SIPA1L3: variants seen among roughly 807,000 people sequenced by gnomAD.
SIPA1L3 encodes the protein signal induced proliferation associated 1 like 3, also known as signal-induced proliferation-associated 1-like protein 3.
A neutral mutation model predicts 150.1 loss-of-function variants in SIPA1L3; 59 were observed. The observed-to-expected ratio is 0.39, with a 90% CI of 0.32 to 0.49. The LOEUF is 0.49. Among genes scored for constraint, SIPA1L3 ranks in the 20% least tolerant of loss-of-function variants. The pLI is 0.86. For missense variants in SIPA1L3, 2,211 were observed against 2,489.5 expected (o/e 0.89, Z 2.38); for synonymous variants, 1,070 against 1,077.6 (o/e 0.99, Z 0.14).
intron 15 of SIPA1L3, among the ~76,000 whole-genome samples, chr19:38,172,943 C>G (rs1972358028): frequency 6.6e-6 from 1 of 151,910 alleles, no homozygotes; most frequent in Non-Finnish European, 1.5e-5. Context: ...AACCCCATGT[C>G]TACAAAAAAT....
chr19:37,999,137 C>T (rs895562501), intron 1 of SIPA1L3, among the ~76,000 whole-genome samples: 2 of 152,144 alleles, frequency 1.3e-5, no homozygotes, highest in African/African-American at 2.4e-5. Flanking sequence ...TGCAGTTCTT[C>T]GTTCATCCCC....
chr19:38,196,595 GGAGCATGGAGGTCAAGGGCA>G (rs1600202574), intron 18 of SIPA1L3, among the ~76,000 whole-genome samples: 1 of 143,180 alleles, frequency 7.0e-6, no homozygotes, highest in African/African-American at 2.6e-5. Context: ...GGTCAAGGGA[GGAGCATGGAGGTCAAGGGCA>G]GAGCATGGAG....
At chr19:38,087,378 G>T (rs910535842) in intron 3 of SIPA1L3, among the ~76,000 whole-genome samples, 1 of 152,192 alleles carries the variant, frequency 6.6e-6, no homozygotes, top group African/African-American at 2.4e-5. Context: ...ATGCTGTTCT[G>T]ATCGGGGTCA....
intron 4 of SIPA1L3, among the ~76,000 whole-genome samples, chr19:38,092,985 G>A (rs543711643): frequency 2.3e-3 from 345 of 151,130 alleles, no homozygotes; most frequent in African/African-American, 7.7e-3. Flanking sequence ...TCAGCCTCCT[G>A]AGTAGCTGGG....
intron 1 of SIPA1L3, among the ~76,000 whole-genome samples, chr19:37,924,151 T>C (rs1419839374): frequency 6.6e-6 from 1 of 152,200 alleles, no homozygotes; most frequent in Non-Finnish European, 1.5e-5. Flanking sequence ...ATATCTTTAT[T>C]CTGTAAGCTT....
At chr19:38,203,813 T>G in intron 20 of SIPA1L3, 1 of 319,830 alleles carries the variant, frequency 3.1e-6, no homozygotes, top group South Asian at 5.0e-5. Context: ...ATCCTGGAGG[T>G]ACGAAGAAGG....
At chr19:38,106,106 TA>T (rs1393460936) in intron 6 of SIPA1L3, among the ~76,000 whole-genome samples, 3 of 78,196 alleles carry the variant, frequency 3.8e-5, no homozygotes, top group Admixed American at 1.9e-4. Flanking sequence ...TAAATGTATT[TA>T]ATTTTTTTTT....
chr19:38,072,698 C>A (rs1397737036), intron 2 of SIPA1L3, among the ~76,000 whole-genome samples: 2 of 152,236 alleles, frequency 1.3e-5, no homozygotes, highest in Admixed American at 6.5e-5. Flanking sequence ...CACCTCTAGC[C>A]CATTGGGTGG....
intron 1 of SIPA1L3, among the ~76,000 whole-genome samples, chr19:37,941,087 T>TACACACAC (rs59368800): frequency 0.028 from 3,611 of 128,594 alleles, 62 homozygotes; most frequent in African/African-American, 0.042. Flanking sequence ...CACACACACA[T>TACACACAC]ACACACACAC....
intron 1 of SIPA1L3, among the ~76,000 whole-genome samples, chr19:37,975,497 G>C (rs1467286800): frequency 1.3e-5 from 2 of 152,108 alleles, no homozygotes; most frequent in South Asian, 2.1e-4. Flanking sequence ...CCAGGCTCAG[G>C]GTCCCCATCT....
At chr19:38,198,659 G>A (rs780201449) in intron 19 of SIPA1L3, 127 bp downstream of exon 19, 105 of 938,822 alleles carry the variant, frequency 1.1e-4, no homozygotes, top group Non-Finnish European at 1.4e-4. Context: ...CAGGGTTCAA[G>A]TCCTGCCCCG....
intron 2 of SIPA1L3, among the ~76,000 whole-genome samples, chr19:38,029,391 T>TA (rs1331125986): frequency 6.6e-6 from 1 of 152,140 alleles, no homozygotes; most frequent in African/African-American, 2.4e-5. Flanking sequence ...TATACACACT[T>TA]ATTTTGGTTC....
At position 38,188,775 on chromosome 19, in the gene SIPA1L3, T is replaced by G. The variant is rs957686955; in HGVS notation, c.4431-3370T>G. Reference sequence around the variant, plus strand: ...GTCTCTACTAAAAATTAAAAAAAATTAGCCGGGCGTGGTGGCGGGCACCTG... The same window carrying G: ...GTCTCTACTAAAAATTAAAAAAAATGAGCCGGGCGTGGTGGCGGGCACCTG... On this transcript the variant is annotated intron_variant, in intron 16 of 21. Transcript: ENST00000222345. Among the ~76,000 whole-genome samples the G allele has an allele frequency of 4.0e-5, 6 of 151,770 alleles. No homozygotes were observed. In the East Asian group the frequency reaches 1.2e-3, roughly 30 times the overall value.
At chr19:38,058,222 C>T (rs1328576037) in intron 2 of SIPA1L3, among the ~76,000 whole-genome samples, 1 of 152,158 alleles carries the variant, frequency 6.6e-6, no homozygotes, top group Non-Finnish European at 1.5e-5. Context: ...AACAGCAGGC[C>T]CTCGCCATCT....
intron 1 of SIPA1L3, among the ~76,000 whole-genome samples, chr19:37,984,135 C>T (rs920836035): frequency 8.5e-5 from 13 of 152,098 alleles, no homozygotes; most frequent in Non-Finnish European, 1.3e-4. Flanking sequence ...TCTCAGGGAG[C>T]GCTGTGTGAG....
chr19:37,927,145 C>T (rs1370313931), intron 1 of SIPA1L3, among the ~76,000 whole-genome samples: 12 of 128,458 alleles, frequency 9.3e-5, no homozygotes, highest in East Asian at 2.2e-4. Flanking sequence ...TTTTCTTTTC[C>T]TTTTTTTTTT....
intron 1 of SIPA1L3, among the ~76,000 whole-genome samples, chr19:38,017,207 A>T (rs1032037379): frequency 2.0e-5 from 3 of 152,120 alleles, no homozygotes; most frequent in Non-Finnish European, 4.4e-5. Context: ...TCGTGTCTTT[A>T]TTGAAAATAC....
At chr19:38,010,616 C>T (rs1968074338) in intron 1 of SIPA1L3, among the ~76,000 whole-genome samples, 1 of 152,140 alleles carries the variant, frequency 6.6e-6, no homozygotes, top group Non-Finnish European at 1.5e-5. Context: ...GAGGCTGAGG[C>T]AGGAGAATCG....
At chr19:38,064,018 C>G (rs1450403224) in intron 2 of SIPA1L3, among the ~76,000 whole-genome samples, 1 of 152,238 alleles carries the variant, frequency 6.6e-6, no homozygotes, top group Non-Finnish European at 1.5e-5. Context: ...CCTCGCCTGA[C>G]TGCATCCCAT....
Sources: allele counts gnomAD v4.1 joint callset (sites outside exome capture counted in the v4.1 genomes callset), GRCh38; gene constraint gnomAD v4.1.1; transcripts MANE v1.5; gene names NCBI Gene and HGNC (gene_info 2026-07-23, HGNC 2026-07-21).